The following YEATS2 variants were observed in gnomAD, a reference collection of about 807,000 sequenced individuals.
The protein encoded by YEATS2 is YEATS domain containing 2, also known as YEATS domain-containing protein 2.
In YEATS2, 77 loss-of-function variants were observed where a neutral mutation model predicts 163.2. The ratio of observed to expected loss-of-function variants is 0.47; its 90% CI spans 0.39 to 0.57. The LOEUF (loss-of-function observed/expected upper bound fraction) is 0.57. Among genes scored for constraint, YEATS2 ranks in the 20% least tolerant of loss-of-function variants. The probability of loss-of-function intolerance (pLI) is 0.00; values close to 1 mark genes in which losing one functional copy is unlikely to be tolerated. For synonymous variants in YEATS2, 631 were observed against 645.1 expected (o/e 0.98, Z 0.33); for missense variants, 1,549 against 1,729.8 (o/e 0.90, Z 1.85).
rs1223465914 is a variant in YEATS2, at chr3:183,773,683, T to G, written c.2257T>G (p.Leu753Val). ...CACTAATTTGGCCAACTTGGCAAAT[T>G]TGCCTCCTGGCACTAAACTCTACCT... ...PATNLANLAN[L>V]PPGTKLYLTT... The change falls in exon 17 of 31, where the codon TTG (leucine) becomes GTG (valine). Residue 753 changes from leucine (L) to valine (V), a missense_variant. Physicochemically the swap from Leu to Val is conservative, Grantham distance 32. Coordinates refer to ENST00000305135, the MANE Select transcript of YEATS2 (RefSeq NM_018023.5). 1 of 1,611,948 alleles carries G rather than the reference T, an allele frequency of 6.2e-7. No homozygotes were observed. The highest frequency in any genetic ancestry group is 8.5e-7 in the Non-Finnish European group (1 of 1,179,394).
chr3:183,699,461 C>T (rs547688750), intron 1 of YEATS2, among the ~76,000 whole-genome samples: 58 of 151,628 alleles, frequency 3.8e-4, no homozygotes, highest in Middle Eastern at 3.4e-3. Context: ...ACCTGAAATC[C>T]CAGCACTTTG....
chr3:183,742,455 C>T (rs1198911401), intron 8 of YEATS2, among the ~76,000 whole-genome samples: 1 of 152,020 alleles, frequency 6.6e-6, no homozygotes, highest in Non-Finnish European at 1.5e-5. Context: ...AAGACTTCAG[C>T]GGAGGAATTA....
chr3:183,746,332 A>C (rs979697067), intron 8 of YEATS2, among the ~76,000 whole-genome samples: 1 of 152,112 alleles, frequency 6.6e-6, no homozygotes, highest in African/African-American at 2.4e-5. Flanking sequence ...GGGACTACAG[A>C]AGTGAGCCAC....
rs76419081 is a variant in YEATS2 at position 183,796,535 on chromosome 3, G to A, written c.3098-1388G>A. On this transcript the variant is annotated intron_variant, in intron 21 of 30. Transcript: ENST00000305135. ...AGGCTGCTGCACAGAGGTAGGAAAC[G>A]ATGAGGTGTGGTGTGTAGACAGATG... is the stretch of plus-strand genomic sequence containing the variant. Among the ~76,000 whole-genome samples the A allele has an allele frequency of 3.5e-3, 534 of 150,624 alleles. 10 individuals carry two copies. The highest frequency in any genetic ancestry group is 0.031 in the East Asian group (160 of 5,136).
chr3:183,703,092 T>C (rs1236970611), intron 1 of YEATS2, among the ~76,000 whole-genome samples: 1 of 152,096 alleles, frequency 6.6e-6, no homozygotes, highest in Non-Finnish European at 1.5e-5. Flanking sequence ...AAGACTGAAA[T>C]AATGAGACAG....
chr3:183,798,994 G>A lies in YEATS2; in HGVS notation c.3325+5G>A, dbSNP rs201549282. On this transcript the variant is annotated splice_donor_5th_base_variant and intron_variant, in intron 23 of 30. Coordinates refer to ENST00000305135, the MANE Select transcript of YEATS2 (RefSeq NM_018023.5). Reference sequence around the variant, plus strand: ...CTCCAGCAGCTGTTGCAAAAGGTACGTAGGATCTCACAGAGTTCTCGTCCA... The same window carrying A: ...CTCCAGCAGCTGTTGCAAAAGGTACATAGGATCTCACAGAGTTCTCGTCCA... 6.8e-5 allele frequency: 110 copies of A among 1,609,064 alleles called. No homozygotes were observed. The African/African-American group carries it at 8.1e-4, about 12-fold the overall frequency.
rs201189228 is a variant in YEATS2 at position 183,798,042 on chromosome 3, G to A, written c.3217G>A (p.Val1073Met). Residue 1073 changes from valine to methionine, a missense_variant, in exon 22 of 31, where the codon GTG (valine) becomes ATG (methionine). Val to Met is a conservative substitution (Grantham distance 21, BLOSUM62 1). Coordinates refer to ENST00000305135, the MANE Select transcript of YEATS2 (RefSeq NM_018023.5). ...SGGVQTILMP[V>M]NKVVQSFSTS... Reference sequence around the variant, plus strand: ...AGGGGTGCAGACGATCCTGATGCCTGTGAATAAAGGTGAGTCCCTTGCCCA... The same window carrying A: ...AGGGGTGCAGACGATCCTGATGCCTATGAATAAAGGTGAGTCCCTTGCCCA... The A allele has an allele frequency of 1.2e-6, 2 of 1,613,750 alleles. No individual in the cohort carries two copies. The highest frequency in any genetic ancestry group is 2.7e-5 in the African/African-American group (2 of 74,926).
rs186526523 is a variant in YEATS2 at position 183,758,888 on chromosome 3, G to T, written c.1579G>T (p.Ala527Ser). The change falls in exon 13 of 31, where the codon GCT becomes TCT. Residue 527 changes from alanine (A) to serine (S), a missense_variant. Physicochemically the swap from Ala to Ser is moderately conservative, Grantham distance 99. Transcript: ENST00000305135. ...AAGTCCTACAAACAAGATCTCCACG[G>T]CTTCTCAGGTCTCCCAAGGAACAGG... ...TGSPTNKIST[A>S]SQVSQGTGSP... The T allele has an allele frequency of 2.3e-5, 36 of 1,595,832 alleles. No individual in the cohort carries two copies. The African/African-American group carries it at 3.8e-4, about 17-fold the overall frequency.
chr3:183,769,287 G>GT (rs1722220714), intron 15 of YEATS2, among the ~76,000 whole-genome samples: 1 of 130,262 alleles, frequency 7.7e-6, no homozygotes, highest in African/African-American at 2.9e-5. Context: ...AGATTAATTT[G>GT]TTTCACCTGC....
intron 8 of YEATS2, among the ~76,000 whole-genome samples, chr3:183,741,095 C>T (rs1276649483): frequency 7.9e-5 from 12 of 151,994 alleles, no homozygotes; most frequent in South Asian, 6.3e-4. Context: ...CCTGCCACCA[C>T]GCGCGGATAA....
intron 8 of YEATS2, among the ~76,000 whole-genome samples, chr3:183,744,102 CTTTTTTTTT>C (rs562807575): frequency 7.0e-4 from 39 of 55,996 alleles, no homozygotes; most frequent in East Asian, 2.1e-3. Context: ...TTTAGTTTTG[CTTTTTTTTT>C]TTTTTTTTTT....
intron 26 of YEATS2, 185 bp from the exon 27 acceptor site, chr3:183,803,802 A>ATTGT (rs1237535132): frequency 1.6e-6 from 1 of 630,410 alleles, no homozygotes; most frequent in Non-Finnish European, 2.7e-6. Flanking sequence ...TTGCTGTTTT[A>ATTGT]TTGTATTAGC....
chr3:183,736,661 C>G, intron 7 of YEATS2, 57 bp from the exon 8 acceptor site: 1 of 1,313,870 alleles, frequency 7.6e-7, no homozygotes, highest in East Asian at 2.6e-5. Flanking sequence ...GAAACTTTTC[C>G]TGTGTAGGAT....
intron 1 of YEATS2, among the ~76,000 whole-genome samples, chr3:183,713,523 A>G (rs897913855): frequency 3.3e-5 from 5 of 152,304 alleles, no homozygotes; most frequent in African/African-American, 1.2e-4. Flanking sequence ...AGATTGCACC[A>G]CTGCACTCCA....
chr3:183,703,934 G>A (rs1317773525), intron 1 of YEATS2, among the ~76,000 whole-genome samples: 1 of 151,960 alleles, frequency 6.6e-6, no homozygotes, highest in East Asian at 1.9e-4. Context: ...GCTGAGGCAG[G>A]CGGATCACCT....
rs1717408017 is a variant in YEATS2 at position 183,728,858 on chromosome 3, A to G, written c.812+7A>G. On this transcript the variant is annotated splice_region_variant and intron_variant, in intron 7 of 30. Transcript: ENST00000305135. ...ATGACCTTGTGGAAGTTAGGTAAGC[A>G]CGCTTGAGGTATTTAACCTAAATTG... is the stretch of plus-strand genomic sequence containing the variant. The G allele has an allele frequency of 6.2e-7, 1 of 1,601,228 alleles. No homozygotes were observed. The highest frequency in any genetic ancestry group is 1.3e-5 in the African/African-American group (1 of 74,410).
intron 4 of YEATS2, among the ~76,000 whole-genome samples, chr3:183,721,269 C>A (rs1716460688): frequency 6.6e-6 from 1 of 152,108 alleles, no homozygotes; most frequent in Non-Finnish European, 1.5e-5. Context: ...CTCCTTTTTT[C>A]TCTCTAGAAC....
intron 8 of YEATS2, among the ~76,000 whole-genome samples, chr3:183,744,390 T>A (rs1482973145): frequency 6.6e-6 from 1 of 152,122 alleles, no homozygotes; most frequent in Non-Finnish European, 1.5e-5. Flanking sequence ...GTGCTGGGAT[T>A]ACAGGCGTGA....
intron 13 of YEATS2, among the ~76,000 whole-genome samples, chr3:183,760,523 C>T (rs528801724): frequency 8.0e-4 from 121 of 151,966 alleles, no homozygotes; most frequent in African/African-American, 2.6e-3. Context: ...GGTTTCTCCA[C>T]GTTGGTCAGG....
Sources: gnomAD v4.1 joint callset for allele counts (sites outside exome capture counted in the v4.1 genomes callset) on GRCh38, gnomAD v4.1.1 for gene constraint, MANE v1.5 for transcripts, NCBI Gene and HGNC (gene_info 2026-07-23, HGNC 2026-07-21) for gene names.